FANCA: variants seen among roughly 807,000 people sequenced by gnomAD.
FANCA encodes the protein Fanconi anemia group A protein.
A neutral mutation model predicts 194.3 loss-of-function variants in FANCA; 236 were observed. The ratio of observed to expected loss-of-function variants is 1.21; its 90% CI spans 1.09 to 1.35. The LOEUF (loss-of-function observed/expected upper bound fraction) is 1.35. Among genes scored for constraint, FANCA ranks in the 40% most tolerant of loss-of-function variants. The pLI is 0.00. For missense variants in FANCA, 2,628 were observed against 1,813.9 expected, an observed-to-expected ratio of 1.45 and a Z score of -8.15; for synonymous variants, 1,014 against 715.8, an observed-to-expected ratio of 1.42 and a Z score of -6.65.
At chr16:89,780,489 A>G (rs922507617) in intron 17 of FANCA, among the ~76,000 whole-genome samples, 2 of 151,942 alleles carry the variant, frequency 1.3e-5, no homozygotes, top group South Asian at 2.1e-4. Context: ...CCAGGTGTAG[A>G]GGCATGAGCC....
chr16:89,745,818 G>A (rs558721601), intron 35 of FANCA, among the ~76,000 whole-genome samples: 1 of 152,040 alleles, frequency 6.6e-6, no homozygotes, highest in Non-Finnish European at 1.5e-5. Context: ...AAACAGTGAA[G>A]AGACCACACT....
chr16:89,793,242 G>A (rs1047523880), intron 11 of FANCA, among the ~76,000 whole-genome samples: 7 of 152,118 alleles, frequency 4.6e-5, no homozygotes, highest in Admixed American at 1.3e-4. Context: ...ACCACGATCC[G>A]CTTGGTGACG....
At chr16:89,810,650 G>T in intron 5 of FANCA, 57 bp downstream of exon 5, 2 of 1,144,310 alleles carry the variant, frequency 1.7e-6, no homozygotes, top group East Asian at 2.3e-5. Flanking sequence ...CCTCCATCCA[G>T]ATCAACAGAA....
chr16:89,795,815 C>T, intron 11 of FANCA, 91 bp downstream of exon 11: 1 of 906,300 alleles, frequency 1.1e-6, no homozygotes, highest in Non-Finnish European at 1.9e-6. Flanking sequence ...TCCTAGAATT[C>T]CTGGCATCTC....
chr16:89,767,910 T>A (rs1411615790), intron 26 of FANCA, among the ~76,000 whole-genome samples: 1 of 152,194 alleles, frequency 6.6e-6, no homozygotes, highest in Admixed American at 6.5e-5. Flanking sequence ...GGTCTCGAAC[T>A]GCTGACCTCA....
chr16:89,778,583 T>G, intron 20 of FANCA: 1 of 490,474 alleles, frequency 2.0e-6, no homozygotes, highest in Non-Finnish European at 3.5e-6. Flanking sequence ...AGCCAAGATC[T>G]CGCCTCTGCA....
intron 20 of FANCA, chr16:89,778,485 A>AT: frequency 6.5e-6 from 2 of 306,108 alleles, no homozygotes; most frequent in South Asian, 5.7e-5. Flanking sequence ...AAAAAAAAAA[A>AT]CTTAGCCAGG....
intron 2 of FANCA, among the ~76,000 whole-genome samples, chr16:89,815,495 A>G (rs927306109): frequency 6.6e-6 from 1 of 151,608 alleles, no homozygotes; most frequent in Non-Finnish European, 1.5e-5. Flanking sequence ...AGCTGGGATT[A>G]AAGGCGTGCG....
Position 89,746,810 on chromosome 16 carries a change from G to A in FANCA, c.3408+21C>T, listed in dbSNP as rs753592540. The A allele has an allele frequency of 2.0e-5, 32 of 1,571,114 alleles. No homozygotes were observed. The East Asian group carries it at 5.4e-4, about 27-fold the overall frequency. ...ACGGCGTTCTGAGAAGGCCACGAGA[G>A]GGGCTGAGGGAGCATCTCACCCTGA... is the stretch of plus-strand genomic sequence containing the variant. On this transcript the variant is annotated intron_variant, in intron 34 of 42. Coordinates refer to ENST00000389301, the MANE Select transcript of FANCA (RefSeq NM_000135.4).
intron 28 of FANCA, among the ~76,000 whole-genome samples, chr16:89,762,284 T>G (rs907632296): frequency 3.9e-5 from 6 of 152,156 alleles, no homozygotes; most frequent in Admixed American, 3.9e-4. Context: ...CTGGGCAACA[T>G]AGTAAGACCT....
chr16:89,816,632 GC>G lies in FANCA; in HGVS notation c.-18del. The G allele has an allele frequency of 6.6e-7, 1 of 1,517,274 alleles. No homozygotes were observed. The allele number at this position is 1,517,274 out of a possible 1,614,324, so 94.0% of individuals were successfully genotyped here. A position where few individuals can be genotyped will look rare whatever the true frequency, so the allele number is the denominator to read the frequency against. ...GTCGGACATGGCCTTGGCGCCTACA[GC>G]CCCGGCGGCGGCTCCCTGCGCCCGA... On this transcript the variant is annotated 5_prime_UTR_variant, in exon 1 of 43. Coordinates refer to ENST00000389301, the MANE Select transcript of FANCA (RefSeq NM_000135.4).
At chr16:89,796,977 C>A (rs112443034) in intron 10 of FANCA, among the ~76,000 whole-genome samples, 10,404 of 151,306 alleles carry the variant, frequency 0.069, 605 homozygotes, top group Middle Eastern at 0.12. Flanking sequence ...GCCAACCCAA[C>A]GAAACCCCAT....
chr16:89,815,355 T>A (rs1445807188), intron 2 of FANCA, among the ~76,000 whole-genome samples: 3 of 131,396 alleles, frequency 2.3e-5, no homozygotes, highest in African/African-American at 1.0e-4. Flanking sequence ...TTTTTTTTTT[T>A]TTTTTTTTTT....
intron 37 of FANCA, 82 bp downstream of exon 37, chr16:89,742,718 C>A (rs1010929962): frequency 1.5e-5 from 18 of 1,207,160 alleles, no homozygotes; most frequent in East Asian, 3.0e-5. Flanking sequence ...AAAAACAGTT[C>A]ATCAGACAAG....
rs924918296 is a variant in FANCA, at chr16:89,749,757, C to T, written c.3212G>A (p.Arg1071Lys). ...SGWSVAASLQRQRELLMYKRI... is the reference protein window; with the variant it reads ...SGWSVAASLQKQRELLMYKRI... ...TTTGTACATTAGCAGCTCCCTCTGT[C>T]TCTGAAGGCTGGCAGCCACGCTCCA... The change falls in exon 32 of 43, where the codon AGA becomes AAA. Residue 1071 changes from arginine (R) to lysine (K), a missense_variant. Arg to Lys is a conservative substitution (Grantham distance 26). Transcript: ENST00000389301. The T allele has an allele frequency of 6.8e-6, 11 of 1,614,178 alleles. No individual in the cohort carries two copies. Among genetic ancestry groups the T allele is most frequent in the East Asian group, 2.2e-5 (1 of 44,880 alleles).
intron 28 of FANCA, among the ~76,000 whole-genome samples, chr16:89,763,743 C>CCAGG (rs1446345122): frequency 6.6e-6 from 1 of 151,144 alleles, no homozygotes; most frequent in Non-Finnish European, 1.5e-5. Context: ...TCGAGACCAG[C>CCAGG]CTAACATGGT....
Position 89,783,164 on chromosome 16 carries a change from G to T in FANCA, c.1471-62C>A, listed in dbSNP as rs931842969. ...GGGAACTGCCTGGGACTCCAGGGAG[G>T]CCACAATTCACTTCCAACATCCACA... is the stretch of plus-strand genomic sequence containing the variant. On this transcript the variant is annotated intron_variant, in intron 15 of 42. Transcript: ENST00000389301. 9.4e-6 allele frequency: 12 copies of T among 1,275,440 alleles called. No individual in the cohort carries two copies. The Admixed American group carries it at 1.9e-4, about 21-fold the overall frequency. The allele number at this position is 1,275,440 out of a possible 1,614,324, so 79.0% of individuals were successfully genotyped here.
At chr16:89,744,401 G>A (rs2062198722) in intron 36 of FANCA, among the ~76,000 whole-genome samples, 1 of 152,172 alleles carries the variant, frequency 6.6e-6, no homozygotes, top group South Asian at 2.1e-4. Flanking sequence ...TCAGAAGGGT[G>A]TGTGAGCCTG....
At chr16:89,752,406 A>G (rs1344826821) in intron 30 of FANCA, among the ~76,000 whole-genome samples, 184 bp from the exon 31 acceptor site, 4 of 152,208 alleles carry the variant, frequency 2.6e-5, no homozygotes, top group Non-Finnish European at 2.9e-5. Flanking sequence ...TAGGAAATAC[A>G]AAAATTATGT....
Sources: allele counts gnomAD v4.1 joint callset (sites outside exome capture counted in the v4.1 genomes callset), GRCh38; gene constraint gnomAD v4.1.1; transcripts MANE v1.5; gene names NCBI Gene and HGNC (gene_info 2026-07-23, HGNC 2026-07-21).